Variants in HHAT observed in about 807,000 individuals in gnomAD.
HHAT encodes hedgehog acyltransferase.
A neutral mutation model predicts 70.8 loss-of-function variants in HHAT; 47 were observed. That is an observed-to-expected ratio of 0.66 (90% CI 0.53 to 0.85). HHAT has a LOEUF of 0.85. Ranked by LOEUF, HHAT falls within the 40% of genes least tolerant of loss-of-function variation. The pLI is 0.00. For synonymous variants in HHAT, 228 were observed against 247.6 expected (o/e 0.92, Z 0.74); for missense variants, 609 against 604.8 (o/e 1.01, Z -0.07).
intron 9 of HHAT, among the ~76,000 whole-genome samples, chr1:210,513,632 C>A (rs2094999753): frequency 6.6e-6 from 1 of 152,144 alleles, no homozygotes; most frequent in Non-Finnish European, 1.5e-5. Context: ...CAGTTTATAT[C>A]CTAGTTTATT....
chr1:210,551,522 A>G (rs2095527672), intron 9 of HHAT, among the ~76,000 whole-genome samples: 1 of 152,122 alleles, frequency 6.6e-6, no homozygotes, highest in South Asian at 2.1e-4. Context: ...GGCAACAATG[A>G]CTTTAAAGTG....
At chr1:210,535,431 TTGTGTGTG>T (rs144319730) in intron 9 of HHAT, among the ~76,000 whole-genome samples, 1 of 149,764 alleles carries the variant, frequency 6.7e-6, no homozygotes, top group African/African-American at 2.5e-5. Context: ...CATTGTGTGT[TTGTGTGTG>T]TGTGTGTGTG....
At chr1:210,424,702 A>G (rs2093009472) in intron 7 of HHAT, among the ~76,000 whole-genome samples, 1 of 152,112 alleles carries the variant, frequency 6.6e-6, no homozygotes, top group South Asian at 2.1e-4. Flanking sequence ...ATGGCTGCAT[A>G]GTATTCCATG....
At chr1:210,506,383 G>T (rs2094854733) in intron 8 of HHAT, among the ~76,000 whole-genome samples, 1 of 152,164 alleles carries the variant, frequency 6.6e-6, no homozygotes, top group Admixed American at 6.5e-5. Context: ...AATCTTAAAG[G>T]TCATCCATTC....
intron 8 of HHAT, among the ~76,000 whole-genome samples, chr1:210,474,411 C>A (rs2094266236): frequency 6.6e-6 from 1 of 152,182 alleles, no homozygotes; most frequent in East Asian, 1.9e-4. Flanking sequence ...CTGCCTCAGC[C>A]GCCTGAGTAG....
rs561777285 is a variant in HHAT, at chr1:210,605,673, G to A, written c.1245+17574G>A. Among the ~76,000 whole-genome samples, 126 of 152,144 alleles carry A rather than the reference G, an allele frequency of 8.3e-4. 1 individual carries two copies. Among genetic ancestry groups the A allele is most frequent in the African/African-American group, 2.8e-3 (118 of 41,494 alleles). ...AAACCTGAAAGTTTAAGTAAGATAC[G>A]TCCATGGCTCACACATCAAGTATGA... On this transcript the variant is annotated intron_variant, in intron 10 of 11. Transcript: ENST00000261458.
At chr1:210,582,903 T>C (rs1188467049) in intron 9 of HHAT, among the ~76,000 whole-genome samples, 3 of 152,216 alleles carry the variant, frequency 2.0e-5, no homozygotes, top group Non-Finnish European at 4.4e-5. Context: ...TAATCATTAT[T>C]CTCTTGAGCA....
intron 1 of HHAT, among the ~76,000 whole-genome samples, chr1:210,337,277 T>C (rs1378185447): frequency 6.6e-6 from 1 of 152,228 alleles, no homozygotes; most frequent in Non-Finnish European, 1.5e-5. Context: ...TTTATGACCA[T>C]TGGATTAAAA....
chr1:210,334,275 CCTGCTGA>C (rs1331614002), intron 1 of HHAT, among the ~76,000 whole-genome samples: 1 of 149,580 alleles, frequency 6.7e-6, no homozygotes, highest in Non-Finnish European at 1.5e-5. Flanking sequence ...CCCACCTCAG[CCTGCTGA>C]GCAGCTGGGG....
intron 7 of HHAT, among the ~76,000 whole-genome samples, chr1:210,436,338 C>G (rs549798030): frequency 4.6e-5 from 7 of 151,222 alleles, no homozygotes; most frequent in Non-Finnish European, 1.0e-4. Context: ...TTTTTTAATG[C>G]CAGTACCATG....
intron 9 of HHAT, among the ~76,000 whole-genome samples, chr1:210,533,588 A>G (rs536333484): frequency 1.3e-5 from 2 of 152,314 alleles, no homozygotes; most frequent in East Asian, 3.9e-4. Context: ...GAGCTTCTCC[A>G]TCCTATCCTT....
At chr1:210,527,506 T>C (rs899266710) in intron 9 of HHAT, among the ~76,000 whole-genome samples, 5 of 152,242 alleles carry the variant, frequency 3.3e-5, no homozygotes, top group Admixed American at 1.3e-4. Context: ...ACAATGGCTG[T>C]TAGCCATCAC....
At chr1:210,452,869 T>G (rs886977252) in intron 7 of HHAT, among the ~76,000 whole-genome samples, 4 of 152,242 alleles carry the variant, frequency 2.6e-5, no homozygotes, top group African/African-American at 9.7e-5. Flanking sequence ...AATTGAAAGT[T>G]GGTTGTTCTT....
intron 8 of HHAT, among the ~76,000 whole-genome samples, chr1:210,465,504 A>G (rs4845034): frequency 0.18 from 27,515 of 152,160 alleles, 2,975 homozygotes; most frequent in Admixed American, 0.24. Context: ...CATGTGGCTC[A>G]TTCCTTTTTA....
chr1:210,356,071 C>T (rs1243491394), intron 2 of HHAT, among the ~76,000 whole-genome samples: 1 of 150,580 alleles, frequency 6.6e-6, no homozygotes, highest in Non-Finnish European at 1.5e-5. Context: ...CACACAGTAC[C>T]ACACTTGCAC....
chr1:210,665,570 G>A (rs997798956), intron 11 of HHAT, among the ~76,000 whole-genome samples: 1 of 152,222 alleles, frequency 6.6e-6, no homozygotes, highest in East Asian at 1.9e-4. Context: ...AGCAGGCAGT[G>A]GGGTGCTGGA....
chr1:210,330,237 CCA>C (rs942265387), intron 1 of HHAT, among the ~76,000 whole-genome samples: 30 of 152,228 alleles, frequency 2.0e-4, no homozygotes, highest in Admixed American at 3.3e-4. Context: ...TTTCTCGTTG[CCA>C]GTCAGTCCCT....
intron 7 of HHAT, among the ~76,000 whole-genome samples, chr1:210,426,150 C>G (rs1186565674): frequency 1.3e-5 from 2 of 152,074 alleles, no homozygotes; most frequent in East Asian, 3.9e-4. Context: ...AGCTTGACTG[C>G]TGTTGGCATA....
At chr1:210,449,197 C>T (rs1558537860) in intron 7 of HHAT, among the ~76,000 whole-genome samples, 5 of 152,126 alleles carry the variant, frequency 3.3e-5, no homozygotes, top group Admixed American at 2.0e-4. Context: ...CAGACTCTGG[C>T]CTCTGGCCAT....
Sources: gnomAD v4.1 joint callset for allele counts (sites outside exome capture counted in the v4.1 genomes callset) on GRCh38, gnomAD v4.1.1 for gene constraint, MANE v1.5 for transcripts, NCBI Gene and HGNC (gene_info 2026-07-23, HGNC 2026-07-21) for gene names.